Variants in SMYD2 observed in about 807,000 individuals in gnomAD.
SMYD2 encodes SET and MYND domain containing 2.
SMYD2 carries 53 observed loss-of-function variants against 59.1 expected under a neutral mutation model. The ratio of observed to expected loss-of-function variants is 0.90; its 90% CI spans 0.72 to 1.13. SMYD2 has a LOEUF of 1.13. Among genes scored for constraint, SMYD2 ranks in the 50% most tolerant of loss-of-function variants. The probability of loss-of-function intolerance (pLI) is 0.00; values close to 1 mark genes in which losing one functional copy is unlikely to be tolerated. For synonymous variants in SMYD2, 208 were observed against 198.8 expected (o/e 1.05, Z -0.39); for missense variants, 494 against 544.7 (o/e 0.91, Z 0.93).
At chr1:214,331,903 A>T in intron 9 of SMYD2, 115 bp from the exon 10 acceptor site, 3 of 898,018 alleles carry the variant, frequency 3.3e-6, no homozygotes, top group Non-Finnish European at 4.9e-6. Context: ...TCTGTAAGTT[A>T]CTTTTTCATG....
Position 214,320,918 on chromosome 1 carries a change from G to A in SMYD2, c.534+1935G>A, listed in dbSNP as rs1337437706. ...CAATAGATTTGGCTGACAATGGGAA[G>A]TGAGGAATCAACTTCTCTTACATTT... On this transcript the variant is annotated intron_variant, in intron 5 of 11. Transcript: ENST00000366957. Among the ~76,000 whole-genome samples the A allele has an allele frequency of 2.0e-5, 3 of 152,198 alleles. No homozygotes were observed. The East Asian group carries it at 5.8e-4, about 29-fold the overall frequency.
At chr1:214,333,977 C>G (rs1169068615) in intron 10 of SMYD2, 3 of 421,964 alleles carry the variant, frequency 7.1e-6, no homozygotes, top group Non-Finnish European at 1.3e-5. Flanking sequence ...TGTTACGTAG[C>G]TTTTCAGAAA....
chr1:214,331,161 T>G, intron 9 of SMYD2, 91 bp downstream of exon 9: 3 of 1,567,078 alleles, frequency 1.9e-6, no homozygotes, highest in Non-Finnish European at 2.6e-6. Flanking sequence ...AAGGATGGAT[T>G]TAAGATTCTG....
intron 1 of SMYD2, among the ~76,000 whole-genome samples, chr1:214,284,265 T>TTTG (rs1432947755): frequency 2.1e-5 from 3 of 142,060 alleles, no homozygotes; most frequent in Admixed American, 7.0e-5. Context: ...TTTTTTTTTT[T>TTTG]TTTTTTTTTT....
intron 10 of SMYD2, 81 bp from the exon 11 acceptor site, chr1:214,334,119 C>T (rs576893279): frequency 1.5e-6 from 2 of 1,312,988 alleles, no homozygotes; most frequent in African/African-American, 1.5e-5. Flanking sequence ...AGCATGGCAG[C>T]CTCCGGCTTA....
At position 214,334,237 on chromosome 1, in the gene SMYD2, A is replaced by G. The variant is rs34259050; in HGVS notation, c.1150A>G (p.Met384Val). The change falls in exon 11 of 12, where the codon ATG becomes GTG. Residue 384 changes from methionine (M) to valine (V), a missense_variant. By Grantham distance (21) the Met-to-Val change is conservative. Coordinates refer to ENST00000366957, the MANE Select transcript of SMYD2 (RefSeq NM_020197.3). ...YPLYSLNVAS[M>V]WLKLGRLYMG... ...TTTGTACTCCCTCAACGTGGCCTCCATGTGGTTGAAGCTAGGGAGACTCTA... is the reference window on the plus strand; with the variant it reads ...TTTGTACTCCCTCAACGTGGCCTCCGTGTGGTTGAAGCTAGGGAGACTCTA... 0.019 allele frequency: 29,958 copies of G among 1,613,904 alleles called. 355 individuals are homozygous for G. Among genetic ancestry groups the G allele is most frequent in the Middle Eastern group, 0.076 (450 of 5,930 alleles).
chr1:214,312,908 T>C lies in SMYD2; in HGVS notation c.238-1854T>C, dbSNP rs1657020412. ...AGGCTGCTCTCTGGAACCTAGTCCA[T>C]GGGAGCAAGGACAGAAGCGGGCATC... On this transcript the variant is annotated intron_variant, in intron 2 of 11. Coordinates refer to ENST00000366957, the MANE Select transcript of SMYD2 (RefSeq NM_020197.3). The surrounding 1 kb of genome is among the most constrained non-coding windows in gnomAD (Gnocchi z 4.1). Among the ~76,000 whole-genome samples, 1 of 152,124 alleles carries C rather than the reference T, an allele frequency of 6.6e-6. No individual in the cohort carries two copies. The highest frequency in any genetic ancestry group is 2.4e-5 in the African/African-American group (1 of 41,420).
At chr1:214,292,872 A>G (rs546920329) in intron 1 of SMYD2, among the ~76,000 whole-genome samples, 51 of 152,288 alleles carry the variant, frequency 3.3e-4, no homozygotes, top group African/African-American at 1.2e-3. Flanking sequence ...TTTGTCATCT[A>G]GAGTACTTTT....
At chr1:214,331,895 T>C (rs563263771) in intron 9 of SMYD2, 123 bp from the exon 10 acceptor site, 12 of 847,458 alleles carry the variant, frequency 1.4e-5, no homozygotes, top group Non-Finnish European at 1.8e-5. Context: ...CTTGGCTTTC[T>C]GTAAGTTACT....
chr1:214,326,609 C>T (rs1444103266), intron 6 of SMYD2, among the ~76,000 whole-genome samples: 1 of 152,170 alleles, frequency 6.6e-6, no homozygotes, highest in Admixed American at 6.5e-5. Context: ...CCAGGCTAAC[C>T]ACATACTTTG....
rs1218861260 is a variant in SMYD2 at position 214,312,028 on chromosome 1, C to A, written c.238-2734C>A. On this transcript the variant is annotated intron_variant, in intron 2 of 11. Coordinates refer to ENST00000366957, the MANE Select transcript of SMYD2 (RefSeq NM_020197.3). This position sits in a 1 kb window ranked among gnomAD's most constrained non-coding sequence, Gnocchi z 4.1. ...GGGAGCTGATTAGTCTGCAGGGAGA[C>A]AGACCCACCTGTTCCCACCTCTTCG... Among the ~76,000 whole-genome samples the A allele has an allele frequency of 6.6e-6, 1 of 152,206 alleles. No individual in the cohort carries two copies. The highest frequency in any genetic ancestry group is 1.5e-5 in the Non-Finnish European group (1 of 68,032).
At chr1:214,325,856 C>T (rs769053881) in intron 6 of SMYD2, among the ~76,000 whole-genome samples, 5 of 144,874 alleles carry the variant, frequency 3.5e-5, no homozygotes, top group South Asian at 2.2e-4. Flanking sequence ...CTGAAGAAGG[C>T]GTGTATTGAC....
intron 1 of SMYD2, among the ~76,000 whole-genome samples, chr1:214,302,338 CAAAAAA>C (rs35149670): frequency 7.2e-6 from 1 of 138,626 alleles, no homozygotes; most frequent in Non-Finnish European, 1.6e-5. Context: ...GACTCCGTTT[CAAAAAA>C]AAAAAAAAAT....
At chr1:214,335,533 A>G (rs527503640) in intron 11 of SMYD2, among the ~76,000 whole-genome samples, 1 of 152,342 alleles carries the variant, frequency 6.6e-6, no homozygotes, top group African/African-American at 2.4e-5. Flanking sequence ...TATAATAGAT[A>G]GGAATGCCTG....
At chr1:214,281,463 C>A in intron 1 of SMYD2, 36 bp downstream of exon 1, 1 of 1,315,672 alleles carries the variant, frequency 7.6e-7, no homozygotes, top group Non-Finnish European at 9.8e-7. Flanking sequence ...GGGCGGGAGC[C>A]GGGGGCGCCG....
chr1:214,314,648 A>G, intron 2 of SMYD2, 114 bp from the exon 3 acceptor site: 1 of 719,926 alleles, frequency 1.4e-6, no homozygotes. Flanking sequence ...TGTTTTCCAA[A>G]AGGAAACATA....
chr1:214,323,093 G>A (rs1427565278), intron 5 of SMYD2, among the ~76,000 whole-genome samples: 2 of 152,154 alleles, frequency 1.3e-5, no homozygotes, highest in African/African-American at 4.8e-5. Context: ...TGTGACTGTG[G>A]ACAAATCATT....
At position 214,318,238 on chromosome 1, in the gene SMYD2, G is replaced by T. The variant is rs1657115667; in HGVS notation, c.409+99G>T. On this transcript the variant is annotated intron_variant, in intron 4 of 11. Transcript: ENST00000366957. This position sits in a 1 kb window ranked among gnomAD's most constrained non-coding sequence, Gnocchi z 5.4. ...AGGACGGGCTAGTTTGTGCTCAGAGGAGTAGTGATTTCTTTGATTACTAGT... is the reference window on the plus strand; with the variant it reads ...AGGACGGGCTAGTTTGTGCTCAGAGTAGTAGTGATTTCTTTGATTACTAGT... 4.5e-6 allele frequency: 5 copies of T among 1,114,504 alleles called. No homozygotes were observed. Among genetic ancestry groups the T allele is most frequent in the African/African-American group, 1.6e-5 (1 of 62,662 alleles). The allele number at this position is 1,114,504 out of a possible 1,614,324, so 69.0% of individuals were successfully genotyped here.
At chr1:214,309,807 A>C (rs967517402) in intron 2 of SMYD2, among the ~76,000 whole-genome samples, 13 of 152,282 alleles carry the variant, frequency 8.5e-5, no homozygotes, top group African/African-American at 3.1e-4. Context: ...TGAATGACTG[A>C]GTATGTCTCA....
Sources: gnomAD v4.1 joint callset for allele counts (sites outside exome capture counted in the v4.1 genomes callset) on GRCh38, gnomAD v4.1.1 for gene constraint, Gnocchi (gnomAD v3.1) non-coding constraint, MANE v1.5 for transcripts, NCBI Gene and HGNC (gene_info 2026-07-23, HGNC 2026-07-21) for gene names.